ARHGEF4: variants seen among roughly 807,000 people sequenced by gnomAD.
The protein encoded by ARHGEF4 is APC-stimulated guanine nucleotide exchange factor 1.
ARHGEF4 carries 119 observed loss-of-function variants against 162.0 expected under a neutral mutation model. The observed-to-expected ratio is 0.73, with a 90% confidence interval of 0.63 to 0.86. The LOEUF is 0.86. Among genes scored for constraint, ARHGEF4 ranks in the 40% least tolerant of loss-of-function variants. The pLI is 0.00. For missense variants in ARHGEF4, 2,488 were observed against 2,456.0 expected (o/e 1.01, Z -0.28); for synonymous variants, 1,014 against 979.9 (o/e 1.03, Z -0.65).
Position 130,906,855 on chromosome 2 carries a change from G to A in ARHGEF4, c.40-7131G>A, listed in dbSNP as rs183609048. ...ATTTGTCAGTCTATAGTCCATCTTGGGTTTCCCCAATGTTCTGGTGTGGGT... is the reference window on the plus strand; with the variant it reads ...ATTTGTCAGTCTATAGTCCATCTTGAGTTTCCCCAATGTTCTGGTGTGGGT... On this transcript the variant is annotated intron_variant, in intron 1 of 13. Coordinates refer to ENST00000409359, the MANE Select transcript of ARHGEF4 (RefSeq NM_001367493.1). 5.3e-4 allele frequency among the ~76,000 whole-genome samples: 81 copies of A among 152,238 alleles called. 1 individual carries two copies. Among genetic ancestry groups the A allele is most frequent in the African/African-American group, 1.9e-3 (78 of 41,538 alleles).
intron 4 of ARHGEF4, among the ~76,000 whole-genome samples, chr2:130,963,392 G>A (rs951341125): frequency 6.6e-6 from 1 of 151,912 alleles, no homozygotes; most frequent in African/African-American, 2.4e-5. Flanking sequence ...TGGGCCGAGC[G>A]GGGCCACCTG....
chr2:130,957,910 C>A (rs555341330), intron 4 of ARHGEF4, among the ~76,000 whole-genome samples: 1 of 151,912 alleles, frequency 6.6e-6, no homozygotes, highest in South Asian at 2.1e-4. Context: ...TTTTATAAGC[C>A]ACTCAGTCTG....
At chr2:130,853,541 G>A (rs1195548644) in intron 1 of ARHGEF4, among the ~76,000 whole-genome samples, 5 of 152,180 alleles carry the variant, frequency 3.3e-5, no homozygotes, top group Non-Finnish European at 5.9e-5. Flanking sequence ...GCATGTCTTC[G>A]CTCAGCAGGC....
chr2:131,027,151 C>T (rs1689533488), intron 4 of ARHGEF4, among the ~76,000 whole-genome samples: 1 of 152,118 alleles, frequency 6.6e-6, no homozygotes, highest in African/African-American at 2.4e-5. Context: ...AGGGAATGAC[C>T]CACCCTGCTC....
chr2:131,013,381 G>A (rs919748660), intron 4 of ARHGEF4, among the ~76,000 whole-genome samples: 3 of 152,164 alleles, frequency 2.0e-5, no homozygotes, highest in African/African-American at 4.8e-5. Flanking sequence ...TGGATATCGA[G>A]ACCAGCCAGC....
chr2:130,991,199 A>C (rs1182522988), intron 4 of ARHGEF4, among the ~76,000 whole-genome samples: 1 of 152,210 alleles, frequency 6.6e-6, no homozygotes, highest in Non-Finnish European at 1.5e-5. Context: ...AATGAGAGAG[A>C]TGTATGGGTG....
chr2:130,916,650 G>A lies in ARHGEF4; in HGVS notation c.2704G>A (p.Glu902Lys), dbSNP rs758126310. 6.4e-7 allele frequency: 1 copy of A among 1,550,572 alleles called. No individual in the cohort carries two copies. Among genetic ancestry groups the A allele is most frequent in the South Asian group, 1.2e-5 (1 of 84,062 alleles). The change falls in exon 2 of 14, where the codon GAG becomes AAG. Residue 902 changes from glutamate to lysine, a missense_variant. Glu to Lys is a moderately conservative substitution (Grantham distance 56). Transcript: ENST00000409359. ...SCNAKRLKTTEKKLRARLALA... is the reference protein window; with the variant it reads ...SCNAKRLKTTKKKLRARLALA... Reference sequence around the variant, plus strand: ...CAACGCAAAGAGACTCAAAACAACGGAGAAAAAACTCAGGGCAAGGTTGGC... The same window carrying A: ...CAACGCAAAGAGACTCAAAACAACGAAGAAAAAACTCAGGGCAAGGTTGGC...
At chr2:130,871,966 A>G (rs1329703274) in intron 1 of ARHGEF4, among the ~76,000 whole-genome samples, 2 of 152,222 alleles carry the variant, frequency 1.3e-5, no homozygotes, top group African/African-American at 4.8e-5. Flanking sequence ...GCACATGCCT[A>G]TCAGCTGTGA....
intron 1 of ARHGEF4, among the ~76,000 whole-genome samples, chr2:130,847,278 G>A (rs1681049468): frequency 6.6e-6 from 1 of 152,176 alleles, no homozygotes; most frequent in South Asian, 2.1e-4. Flanking sequence ...AGTGACCAGG[G>A]GCGTCTCCTG....
intron 4 of ARHGEF4, among the ~76,000 whole-genome samples, chr2:130,985,490 T>G (rs1237472195): frequency 6.6e-6 from 1 of 151,180 alleles, no homozygotes; most frequent in Non-Finnish European, 1.5e-5. Flanking sequence ...TGACTAAAAC[T>G]AGGGGTTTAT....
chr2:130,971,844 T>G (rs1204502198), intron 4 of ARHGEF4, among the ~76,000 whole-genome samples: 1 of 152,166 alleles, frequency 6.6e-6, no homozygotes, highest in Non-Finnish European at 1.5e-5. Flanking sequence ...CCACCAGACC[T>G]CACTGCAGTG....
chr2:130,910,139 G>A (rs1479737286), intron 1 of ARHGEF4, among the ~76,000 whole-genome samples: 1 of 151,984 alleles, frequency 6.6e-6, no homozygotes, highest in Non-Finnish European at 1.5e-5. Flanking sequence ...AACCACCATG[G>A]TACGTAATTA....
At position 130,915,482 on chromosome 2, in the gene ARHGEF4, CAGCG is replaced by C; in HGVS notation, c.1539_1542del (p.Ser513ArgfsTer27). ...GTAATTACACATCAAAGTATGTGCT[CAGCG>C]AGGAAAGCAAGTCACCTACCAGGGC... On this transcript the variant is annotated frameshift_variant, in exon 2 of 14. Coordinates refer to ENST00000409359, the MANE Select transcript of ARHGEF4 (RefSeq NM_001367493.1). LOFTEE classifies it high-confidence loss of function. 2.6e-6 allele frequency: 4 copies of C among 1,550,544 alleles called. No individual in the cohort carries two copies. Among genetic ancestry groups the C allele is most frequent in the Non-Finnish European group, 3.5e-6 (4 of 1,147,008 alleles).
chr2:130,970,363 T>C lies in ARHGEF4; in HGVS notation c.3985+23728T>C, dbSNP rs1573483189. On this transcript the variant is annotated intron_variant, in intron 4 of 13. Coordinates refer to ENST00000409359, the MANE Select transcript of ARHGEF4 (RefSeq NM_001367493.1). ...CAGCATTTTGGGAGGCTGAGGCAGG[T>C]GGATCACCTGAGGTCAGGCGTTCGA... Among the ~76,000 whole-genome samples the C allele has an allele frequency of 1.3e-5, 2 of 152,016 alleles. 1 individual carries two copies. The highest frequency in any genetic ancestry group is 4.1e-4 in the South Asian group (2 of 4,820).
chr2:130,944,060 A>G (rs1338169010), intron 3 of ARHGEF4, among the ~76,000 whole-genome samples: 2 of 152,140 alleles, frequency 1.3e-5, no homozygotes, highest in African/African-American at 4.8e-5. Context: ...CTTTTGCTGG[A>G]TATAGATTTT....
intron 1 of ARHGEF4, among the ~76,000 whole-genome samples, chr2:130,856,503 A>T (rs775798409): frequency 7.0e-4 from 107 of 152,376 alleles, no homozygotes; most frequent in African/African-American, 2.3e-3. Context: ...CCTCAGGCTG[A>T]GAGCAAGTGA....
At chr2:131,017,927 T>G (rs1222928425) in intron 4 of ARHGEF4, among the ~76,000 whole-genome samples, 1 of 152,116 alleles carries the variant, frequency 6.6e-6, no homozygotes, top group Non-Finnish European at 1.5e-5. Context: ...TTTTTCTAGC[T>G]ATAGACAAGA....
intron 2 of ARHGEF4, among the ~76,000 whole-genome samples, chr2:130,917,815 CTTTTTTTCTTTTTT>C (rs1379667857): frequency 8.4e-6 from 1 of 118,820 alleles, no homozygotes; most frequent in Non-Finnish European, 1.6e-5. Context: ...TTTTCTTTTT[CTTTTTTTCTTTTTT>C]TTTTTTTTTT....
intron 1 of ARHGEF4, among the ~76,000 whole-genome samples, chr2:130,880,460 G>A (rs1012081564): frequency 6.6e-6 from 1 of 152,200 alleles, no homozygotes; most frequent in African/African-American, 2.4e-5. Flanking sequence ...CTGGGACAGG[G>A]ATAGAAGTGT....
Sources: allele counts gnomAD v4.1 joint callset (sites outside exome capture counted in the v4.1 genomes callset), GRCh38; gene constraint gnomAD v4.1.1; transcripts MANE v1.5; gene names NCBI Gene and HGNC (gene_info 2026-07-23, HGNC 2026-07-21).